Variants in TENM4 observed in about 807,000 individuals in gnomAD.
TENM4 encodes teneurin transmembrane protein 4.
A neutral mutation model predicts 243.3 loss-of-function variants in TENM4; 82 were observed. The ratio of observed to expected loss-of-function variants is 0.34; its 90% CI spans 0.28 to 0.40. The LOEUF is 0.40. Ranked by LOEUF, TENM4 falls within the 10% of genes least tolerant of loss-of-function variation. TENM4 has a pLI of 1.00. For synonymous variants in TENM4, 1,412 were observed against 1,456.3 expected, an observed-to-expected ratio of 0.97 and a Z score of 0.69; for missense variants, 3,138 against 3,673.3, an observed-to-expected ratio of 0.85 and a Z score of 3.77.
chr11:78,974,064 G>A (rs1436471044), intron 6 of TENM4, among the ~76,000 whole-genome samples: 2 of 152,126 alleles, frequency 1.3e-5, no homozygotes, highest in Non-Finnish European at 2.9e-5. Flanking sequence ...TCAGCCTTGA[G>A]ACATTGTCAG....
chr11:79,305,090 T>C (rs1430599120), intron 1 of TENM4, among the ~76,000 whole-genome samples: 1 of 152,210 alleles, frequency 6.6e-6, no homozygotes, highest in African/African-American at 2.4e-5. Flanking sequence ...ACAAGCAATG[T>C]TGATTGCTTA....
chr11:79,233,873 G>A (rs1288251397), intron 2 of TENM4, among the ~76,000 whole-genome samples: 2 of 152,184 alleles, frequency 1.3e-5, no homozygotes, highest in Non-Finnish European at 2.9e-5. Context: ...TGAGCGAAAA[G>A]GAAGAGGCCC....
intron 19 of TENM4, among the ~76,000 whole-genome samples, chr11:78,740,418 G>T (rs1424848320): frequency 6.6e-6 from 1 of 151,644 alleles, no homozygotes; most frequent in African/African-American, 2.4e-5. Flanking sequence ...TCAGTCAGTG[G>T]TTTCCTTCCG....
intron 2 of TENM4, among the ~76,000 whole-genome samples, chr11:79,244,825 A>C (rs1479832385): frequency 6.6e-6 from 1 of 152,066 alleles, no homozygotes; most frequent in Non-Finnish European, 1.5e-5. Flanking sequence ...CAAGGGGTGA[A>C]ATTTTTGCCC....
intron 12 of TENM4, among the ~76,000 whole-genome samples, chr11:78,844,652 A>AG (rs1211890337): frequency 6.6e-6 from 1 of 151,472 alleles, no homozygotes; most frequent in Non-Finnish European, 1.5e-5. Flanking sequence ...AAAAAAAAAA[A>AG]GGAGGAAAAG....
chr11:79,308,293 C>A (rs1220539152), intron 1 of TENM4, among the ~76,000 whole-genome samples: 3 of 152,054 alleles, frequency 2.0e-5, no homozygotes, highest in Admixed American at 6.6e-5. Context: ...CAAAGAAAAC[C>A]GATTATATTC....
intron 12 of TENM4, among the ~76,000 whole-genome samples, chr11:78,827,441 C>T (rs1350418754): frequency 2.0e-5 from 3 of 151,960 alleles, no homozygotes; most frequent in African/African-American, 7.3e-5. Flanking sequence ...CACTTATCCG[C>T]TTGTCCAAGT....
At chr11:79,244,815 C>G (rs1855484839) in intron 2 of TENM4, among the ~76,000 whole-genome samples, 2 of 152,102 alleles carry the variant, frequency 1.3e-5, no homozygotes, top group African/African-American at 4.8e-5. Context: ...AGACTCAGGG[C>G]AAGGGGTGAA....
At chr11:78,793,892 G>A (rs888568141) in intron 15 of TENM4, among the ~76,000 whole-genome samples, 1 of 152,234 alleles carries the variant, frequency 6.6e-6, no homozygotes, top group African/African-American at 2.4e-5. Flanking sequence ...GATGCCATAT[G>A]AGTGTATCCC....
chr11:79,059,787 C>T (rs1441849955), intron 6 of TENM4, among the ~76,000 whole-genome samples: 4 of 152,190 alleles, frequency 2.6e-5, no homozygotes, highest in Non-Finnish European at 5.9e-5. Flanking sequence ...CTGATGTGCT[C>T]TTTTTAAAAT....
At chr11:78,709,977 T>C (rs1859359430) in intron 26 of TENM4, among the ~76,000 whole-genome samples, 1 of 152,006 alleles carries the variant, frequency 6.6e-6, no homozygotes, top group Non-Finnish European at 1.5e-5. Flanking sequence ...CCAGTTTAGA[T>C]GGAAAGGCAC....
chr11:79,376,645 C>T (rs544547), intron 1 of TENM4, among the ~76,000 whole-genome samples: 23,767 of 152,074 alleles, frequency 0.16, 1,958 homozygotes, highest in East Asian at 0.27. Context: ...AATGAATGAA[C>T]GAACAGTGGT....
intron 6 of TENM4, among the ~76,000 whole-genome samples, chr11:78,906,974 C>T (rs1234650257): frequency 6.6e-6 from 1 of 152,142 alleles, no homozygotes; most frequent in Non-Finnish European, 1.5e-5. Flanking sequence ...CATAGTAGAC[C>T]ACTCTGGGCC....
At chr11:79,177,713 G>A (rs1001626626) in intron 3 of TENM4, among the ~76,000 whole-genome samples, 1 of 152,142 alleles carries the variant, frequency 6.6e-6, no homozygotes, top group Non-Finnish European at 1.5e-5. Context: ...ATCCCTGCAG[G>A]CAGCTAGGAC....
intron 15 of TENM4, among the ~76,000 whole-genome samples, chr11:78,799,374 G>A (rs944234759): frequency 1.3e-5 from 2 of 152,148 alleles, no homozygotes; most frequent in Non-Finnish European, 2.9e-5. Flanking sequence ...AGTTGTTTAC[G>A]GTTACACAGA....
chr11:79,269,646 G>C (rs1855936109), intron 2 of TENM4: 1 of 152,230 alleles, frequency 6.6e-6, no homozygotes, highest in Admixed American at 6.5e-5. Context: ...CGCCTGCCCC[G>C]ATGGCCAGGC....
chr11:79,022,666 G>T (rs1349387187), intron 6 of TENM4, among the ~76,000 whole-genome samples: 2 of 152,126 alleles, frequency 1.3e-5, no homozygotes. Context: ...TTGGTTTTCA[G>T]AAACTGATAT....
At chr11:79,058,612 T>A (rs896978292) in intron 6 of TENM4, among the ~76,000 whole-genome samples, 2 of 151,870 alleles carry the variant, frequency 1.3e-5, no homozygotes, top group African/African-American at 4.8e-5. Context: ...ACACCCTGGC[T>A]CTGACATTTA....
At chr11:78,720,772 A>C (rs984344452) in intron 24 of TENM4, among the ~76,000 whole-genome samples, 1 of 152,112 alleles carries the variant, frequency 6.6e-6, no homozygotes, top group Non-Finnish European at 1.5e-5. Flanking sequence ...CTCCACATGC[A>C]CACTTCCCTA....
Sources: gnomAD v4.1 joint callset for allele counts (sites outside exome capture counted in the v4.1 genomes callset) on GRCh38, gnomAD v4.1.1 for gene constraint, MANE v1.5 for transcripts, NCBI Gene and HGNC (gene_info 2026-07-23, HGNC 2026-07-21) for gene names.